Variants in ERC1 observed in about 807,000 individuals in gnomAD.
The protein encoded by ERC1 is ELKS/RAB6-interacting/CAST family member 1.
A neutral mutation model predicts 132.0 loss-of-function variants in ERC1; 56 were observed. The observed-to-expected ratio is 0.42, with a 90% confidence interval of 0.34 to 0.53. The LOEUF (loss-of-function observed/expected upper bound fraction) is 0.53. Ranked by LOEUF, ERC1 falls within the 20% of genes least tolerant of loss-of-function variation. ERC1 has a pLI of 0.03. For missense variants in ERC1, 1,202 were observed against 1,349.9 expected, an observed-to-expected ratio of 0.89 and a Z score of 1.72; for synonymous variants, 478 against 476.1, an observed-to-expected ratio of 1.00 and a Z score of -0.05.
At chr12:1,016,460 T>C (rs1169772483) in intron 1 of ERC1, among the ~76,000 whole-genome samples, 5 of 152,200 alleles carry the variant, frequency 3.3e-5, no homozygotes, top group Non-Finnish European at 7.3e-5. Context: ...CATGTTATGC[T>C]CGTAGCTATT....
intron 15 of ERC1, among the ~76,000 whole-genome samples, chr12:1,307,632 A>C (rs1360842163): frequency 6.6e-6 from 1 of 152,142 alleles, no homozygotes; most frequent in Non-Finnish European, 1.5e-5. Context: ...CTAATGCCCG[A>C]GCGCCCCTTT....
chr12:1,245,955 A>C (rs1177050578), intron 13 of ERC1, among the ~76,000 whole-genome samples: 1 of 152,038 alleles, frequency 6.6e-6, no homozygotes, highest in Non-Finnish European at 1.5e-5. Flanking sequence ...TTTTAAATAG[A>C]GACTGAGTCT....
At chr12:1,037,083 T>C (rs1969230248) in intron 2 of ERC1, among the ~76,000 whole-genome samples, 1 of 152,214 alleles carries the variant, frequency 6.6e-6, no homozygotes. Flanking sequence ...TTACAGTTGG[T>C]AAGTTTGCTT....
At position 1,320,520 on chromosome 12, in the gene ERC1, A is replaced by C. The variant is rs572258263; in HGVS notation, c.2780+30508A>C. 2.6e-5 allele frequency among the ~76,000 whole-genome samples: 4 copies of C among 152,334 alleles called. No individual in the cohort carries two copies. The East Asian group carries it at 7.7e-4, about 29-fold the overall frequency. On this transcript the variant is annotated intron_variant, in intron 15 of 18. Transcript: ENST00000360905. ...AATGAACATTTAAGTTACTTCTAACAGTTTGCCATTACATTCAATGCTACA... is the reference window on the plus strand; with the variant it reads ...AATGAACATTTAAGTTACTTCTAACCGTTTGCCATTACATTCAATGCTACA...
At chr12:1,407,589 C>G (rs2091585207) in intron 16 of ERC1, among the ~76,000 whole-genome samples, 1 of 151,604 alleles carries the variant, frequency 6.6e-6, no homozygotes, top group Non-Finnish European at 1.5e-5. Flanking sequence ...ATTGCCTCTT[C>G]CCCAAAAATT....
In ERC1 at chr12:1,371,840, G is replaced by A; in HGVS notation, c.2788G>A (p.Ala930Thr). ...ATTTGCTTTCTTTTGCAGGCAAGAA[G>A]CTCTTCTGGCTGCCATTAGTGAAAA... ...LEEVLEMKQEALLAAISEKDA... is the reference protein window; with the variant it reads ...LEEVLEMKQETLLAAISEKDA... Residue 930 changes from alanine to threonine, a missense_variant, in exon 16 of 19, where the codon GCT (alanine) becomes ACT (threonine). Ala to Thr is a moderately conservative substitution (Grantham distance 58). Coordinates refer to ENST00000360905, the MANE Select transcript of ERC1 (RefSeq NM_178040.4). 6.2e-7 allele frequency: 1 copy of A among 1,613,458 alleles called. No homozygotes were observed. The highest frequency in any genetic ancestry group is 1.3e-5 in the African/African-American group (1 of 75,028).
At chr12:1,341,074 T>TC (rs1566629933) in intron 15 of ERC1, among the ~76,000 whole-genome samples, 3 of 10,984 alleles carry the variant, frequency 2.7e-4, no homozygotes, top group South Asian at 8.2e-3. Flanking sequence ...TTTTTCTTTT[T>TC]TTTTTTTTTT....
At chr12:1,229,107 T>G (rs2074829465) in intron 12 of ERC1, among the ~76,000 whole-genome samples, 1 of 152,174 alleles carries the variant, frequency 6.6e-6, no homozygotes. Context: ...GCTTAAGTGT[T>G]TGGTGGAAAT....
At chr12:1,016,230 G>A (rs968961212) in intron 1 of ERC1, among the ~76,000 whole-genome samples, 7 of 152,148 alleles carry the variant, frequency 4.6e-5, no homozygotes, top group African/African-American at 1.4e-4. Flanking sequence ...CTAATGGGTG[G>A]TATATTACAT....
chr12:1,356,613 G>A (rs530522859), intron 15 of ERC1, among the ~76,000 whole-genome samples: 3 of 152,168 alleles, frequency 2.0e-5, no homozygotes, highest in East Asian at 1.9e-4. Context: ...AAAAGTCTAC[G>A]CTTCCCATCT....
At chr12:1,112,158 A>G in intron 5 of ERC1, 57 bp from the exon 6 acceptor site, 5 of 1,183,830 alleles carry the variant, frequency 4.2e-6, no homozygotes, top group Non-Finnish European at 6.3e-6. Flanking sequence ...TCAAAAGTAG[A>G]CAAGAAGAAG....
At chr12:1,138,731 A>C (rs1244684600) in intron 7 of ERC1, among the ~76,000 whole-genome samples, 2 of 152,174 alleles carry the variant, frequency 1.3e-5, no homozygotes, top group African/African-American at 4.8e-5. Context: ...ATGGAGAGCC[A>C]CTGGAAGTGG....
At chr12:1,251,557 A>C (rs1050562169) in intron 13 of ERC1, among the ~76,000 whole-genome samples, 6 of 152,176 alleles carry the variant, frequency 3.9e-5, no homozygotes, top group Admixed American at 3.3e-4. Context: ...GAAATTACGC[A>C]TGAAAATTCT....
intron 18 of ERC1, among the ~76,000 whole-genome samples, chr12:1,470,822 T>C (rs1284976447): frequency 6.6e-6 from 1 of 152,230 alleles, no homozygotes; most frequent in Non-Finnish European, 1.5e-5. Context: ...CCAGAGTCCA[T>C]CCGTCCATCT....
intron 12 of ERC1, among the ~76,000 whole-genome samples, chr12:1,200,375 T>A (rs1284946681): frequency 2.0e-5 from 3 of 152,162 alleles, no homozygotes; most frequent in Non-Finnish European, 4.4e-5. Flanking sequence ...GTTACTTTTT[T>A]TGAAAAAGAA....
intron 13 of ERC1, among the ~76,000 whole-genome samples, chr12:1,254,051 A>G (rs958688613): frequency 6.6e-5 from 10 of 152,328 alleles, no homozygotes; most frequent in African/African-American, 2.2e-4. Context: ...TGAGGCTGGC[A>G]AAAGTAGGCT....
intron 1 of ERC1, among the ~76,000 whole-genome samples, chr12:1,024,942 T>C (rs1486993238): frequency 6.6e-6 from 1 of 151,420 alleles, no homozygotes; most frequent in African/African-American, 2.4e-5. Context: ...TTACATAGCA[T>C]CTACATTTTA....
chr12:1,346,507 C>T (rs528245121), intron 15 of ERC1, among the ~76,000 whole-genome samples: 2 of 152,272 alleles, frequency 1.3e-5, no homozygotes, highest in East Asian at 1.9e-4. Context: ...ATTTTATTAC[C>T]TGCAGCCCAA....
intron 13 of ERC1, among the ~76,000 whole-genome samples, chr12:1,258,082 C>T (rs917928850): frequency 6.6e-6 from 1 of 152,116 alleles, no homozygotes; most frequent in African/African-American, 2.4e-5. Flanking sequence ...ATATTTTCTT[C>T]TAAGCTAGCG....
Sources: gnomAD v4.1 joint callset for allele counts (sites outside exome capture counted in the v4.1 genomes callset) on GRCh38, gnomAD v4.1.1 for gene constraint, MANE v1.5 for transcripts, NCBI Gene and HGNC (gene_info 2026-07-23, HGNC 2026-07-21) for gene names.